The following NALF1 variants were observed in gnomAD, a reference collection of about 807,000 sequenced individuals.
NALF1 encodes the protein NALCN channel auxiliary factor 1.
A neutral mutation model predicts 48.4 loss-of-function variants in NALF1; 3 were observed. The observed-to-expected ratio is 0.06, with a 90% CI of 0.03 to 0.16. The LOEUF is 0.16. Ranked by LOEUF, NALF1 falls within the 10% of genes least tolerant of loss-of-function variation. NALF1 has a pLI of 1.00. For missense variants in NALF1, 526 were observed against 571.5 expected, an observed-to-expected ratio of 0.92 and a Z score of 0.81; for synonymous variants, 262 against 245.7, an observed-to-expected ratio of 1.07 and a Z score of -0.62.
chr13:107,772,267 A>G (rs2138571144), intron 1 of NALF1, among the ~76,000 whole-genome samples: 1 of 152,132 alleles, frequency 6.6e-6, no homozygotes, highest in Middle Eastern at 3.4e-3. Context: ...TGCACTGCGG[A>G]CTTGCCCTGA....
rs375533292 is a variant in NALF1, at chr13:107,293,195, T to A, written c.916-82440A>T. 2.9e-3 allele frequency among the ~76,000 whole-genome samples: 434 copies of A among 152,064 alleles called. 4 individuals are homozygous for A. The highest frequency in any genetic ancestry group is 0.01 in the African/African-American group (419 of 41,478). On this transcript the variant is annotated intron_variant, in intron 1 of 2. Coordinates refer to ENST00000375915, the MANE Select transcript of NALF1 (RefSeq NM_001080396.3). The stretch of plus-strand genomic sequence containing the variant: ...TGGGGTTTCACCTTGTTAGCCAGGA[T>A]GCTCTCGATCTCCTGACCTCATGAT...
intron 1 of NALF1, among the ~76,000 whole-genome samples, chr13:107,796,625 C>T (rs1160323435): frequency 6.6e-6 from 1 of 152,014 alleles, no homozygotes. Context: ...TGTGTCGTTC[C>T]CCTTCCCTGC....
chr13:107,730,506 C>A (rs901611735), intron 1 of NALF1, among the ~76,000 whole-genome samples: 1 of 152,142 alleles, frequency 6.6e-6, no homozygotes, highest in African/African-American at 2.4e-5. Context: ...CTGTGTTCAT[C>A]GATTTAATTT....
chr13:107,863,462 G>T (rs934773905), intron 1 of NALF1, among the ~76,000 whole-genome samples: 1 of 151,916 alleles, frequency 6.6e-6, no homozygotes, highest in African/African-American at 2.4e-5. Context: ...AGCTATTATG[G>T]AATAAATATT....
At chr13:107,456,081 C>T (rs1685031955) in intron 1 of NALF1, among the ~76,000 whole-genome samples, 1 of 152,094 alleles carries the variant, frequency 6.6e-6, no homozygotes, top group Admixed American at 6.6e-5. Flanking sequence ...TTTCATTGCT[C>T]TCTTTTTGAC....
At chr13:107,639,794 C>T (rs1003073126) in intron 1 of NALF1, among the ~76,000 whole-genome samples, 1 of 152,154 alleles carries the variant, frequency 6.6e-6, no homozygotes, top group Admixed American at 6.6e-5. Flanking sequence ...CCTTGCTGTG[C>T]TCATTGCATT....
chr13:107,665,873 C>A (rs1394144686), intron 1 of NALF1, among the ~76,000 whole-genome samples: 2 of 152,050 alleles, frequency 1.3e-5, no homozygotes, highest in Admixed American at 6.6e-5. Flanking sequence ...AGTGATGATG[C>A]CAGCCATTTA....
intron 1 of NALF1, among the ~76,000 whole-genome samples, chr13:107,252,038 T>C (rs1301134284): frequency 6.6e-6 from 1 of 152,112 alleles, no homozygotes; most frequent in African/African-American, 2.4e-5. Context: ...AGGGGGACTC[T>C]GGCAGTGGGA....
intron 1 of NALF1, among the ~76,000 whole-genome samples, chr13:107,773,128 T>C (rs956535931): frequency 6.6e-6 from 1 of 152,196 alleles, no homozygotes. Flanking sequence ...AAAGTACTAC[T>C]AAGGTAAGCA....
intron 1 of NALF1, among the ~76,000 whole-genome samples, chr13:107,539,591 A>G (rs1487121091): frequency 5.3e-5 from 8 of 152,204 alleles, no homozygotes; most frequent in African/African-American, 1.9e-4. Flanking sequence ...AAATGGGGAG[A>G]AATAAGAGAT....
At chr13:107,387,860 T>C (rs867503513) in intron 1 of NALF1, among the ~76,000 whole-genome samples, 8 of 152,346 alleles carry the variant, frequency 5.3e-5, no homozygotes, top group African/African-American at 1.9e-4. Flanking sequence ...TACCCTTGAG[T>C]AACTCACAGT....
chr13:107,311,139 C>T (rs1882036942), intron 1 of NALF1, among the ~76,000 whole-genome samples: 1 of 152,002 alleles, frequency 6.6e-6, no homozygotes, highest in Non-Finnish European at 1.5e-5. Context: ...CTCAGCTGTT[C>T]CCATCTCCAC....
Position 107,819,867 on chromosome 13 carries a change from C to T in NALF1, c.915+45815G>A, listed in dbSNP as rs1003891670. ...ATCTGTACCTTGTAGTAGCGCTTGC[C>T]ACTATCTATTTTTTAGGCTTTCTGA... On this transcript the variant is annotated intron_variant, in intron 1 of 2. Transcript: ENST00000375915. Among the ~76,000 whole-genome samples the T allele has an allele frequency of 9.2e-5, 14 of 152,086 alleles. No individual in the cohort carries two copies. The East Asian group carries it at 2.7e-3, about 29-fold the overall frequency.
At chr13:107,618,470 T>C (rs1879438292) in intron 1 of NALF1, among the ~76,000 whole-genome samples, 1 of 152,214 alleles carries the variant, frequency 6.6e-6, no homozygotes. Flanking sequence ...TCCTAATTTT[T>C]ACCTTAAAAA....
At position 107,250,595 on chromosome 13, in the gene NALF1, G is replaced by T. The variant is rs1041950992; in HGVS notation, c.916-39840C>A. Among the ~76,000 whole-genome samples the T allele has an allele frequency of 5.3e-5, 8 of 152,240 alleles. No homozygotes were observed. The South Asian group carries it at 1.5e-3, about 28-fold the overall frequency. ...ATTAACTTCTTTGCTGTAATTTTCA[G>T]AGAGGATAGGAAAATGCAAAATATA... On this transcript the variant is annotated intron_variant, in intron 1 of 2. Coordinates refer to ENST00000375915, the MANE Select transcript of NALF1 (RefSeq NM_001080396.3).
At chr13:107,369,489 T>C (rs1883212528) in intron 1 of NALF1, among the ~76,000 whole-genome samples, 1 of 152,160 alleles carries the variant, frequency 6.6e-6, no homozygotes, top group Admixed American at 6.5e-5. Context: ...AAATAATCTG[T>C]ACATTCTTTG....
Position 107,335,599 on chromosome 13 carries a change from C to G in NALF1, c.916-124844G>C, listed in dbSNP as rs572209364. On this transcript the variant is annotated intron_variant, in intron 1 of 2. Coordinates refer to ENST00000375915, the MANE Select transcript of NALF1 (RefSeq NM_001080396.3). ...GTTTGTGACTTTTTCATGGCTGTCT[C>G]AAAATCTGTAGCCATTTAGAAATAT... Among the ~76,000 whole-genome samples the G allele has an allele frequency of 3.9e-5, 6 of 152,318 alleles. No individual in the cohort carries two copies. In the East Asian group the frequency reaches 1.2e-3, roughly 29 times the overall value.
chr13:107,832,874 G>A (rs1879781174), intron 1 of NALF1, among the ~76,000 whole-genome samples: 2 of 151,902 alleles, frequency 1.3e-5, no homozygotes, highest in Admixed American at 6.5e-5. Context: ...ATCATAGGCT[G>A]CATCTTCTTA....
chr13:107,828,188 T>G (rs1189954434), intron 1 of NALF1, among the ~76,000 whole-genome samples: 1 of 152,152 alleles, frequency 6.6e-6, no homozygotes, highest in Non-Finnish European at 1.5e-5. Flanking sequence ...ATCTTTCTTT[T>G]TGAAAAAAAA....
Sources: gnomAD v4.1 joint callset for allele counts (sites outside exome capture counted in the v4.1 genomes callset) on GRCh38, gnomAD v4.1.1 for gene constraint, MANE v1.5 for transcripts, NCBI Gene and HGNC (gene_info 2026-07-23, HGNC 2026-07-21) for gene names.